The following LRRC49 variants were observed in gnomAD, a reference collection of about 807,000 sequenced individuals.
LRRC49 encodes leucine rich repeat containing 49.
In LRRC49, 50 loss-of-function variants were observed where a neutral mutation model predicts 83.3. That is an observed-to-expected ratio of 0.60 (90% CI 0.48 to 0.76). The LOEUF (loss-of-function observed/expected upper bound fraction) is 0.76, where lower values mean the gene tolerates loss of function less well. Among genes scored for constraint, LRRC49 ranks in the 30% least tolerant of loss-of-function variants. The pLI, the probability that LRRC49 is intolerant of heterozygous loss-of-function variation, is 0.00. For synonymous variants in LRRC49, 286 were observed against 283.3 expected, an observed-to-expected ratio of 1.01 and a Z score of -0.10; for missense variants, 704 against 809.1, an observed-to-expected ratio of 0.87 and a Z score of 1.58.
intron 9 of LRRC49, among the ~76,000 whole-genome samples, chr15:70,973,621 G>A (rs1567077902): frequency 1.3e-5 from 2 of 152,154 alleles, no homozygotes; most frequent in Admixed American, 6.6e-5. Flanking sequence ...CCAGGGAGAT[G>A]GGAGTTTTAT....
chr15:70,962,729 G>C (rs1304487759), intron 8 of LRRC49, among the ~76,000 whole-genome samples: 1 of 152,132 alleles, frequency 6.6e-6, no homozygotes, highest in Non-Finnish European at 1.5e-5. Flanking sequence ...AATTGTATTG[G>C]ATAATAACCC....
chr15:71,043,917 T>C (rs1050629506), intron 15 of LRRC49, among the ~76,000 whole-genome samples: 1 of 152,234 alleles, frequency 6.6e-6, no homozygotes, highest in African/African-American at 2.4e-5. Flanking sequence ...ATCTTAATAA[T>C]AGAATTTTGT....
chr15:70,953,583 G>A (rs1596061685), intron 8 of LRRC49, among the ~76,000 whole-genome samples: 1 of 152,114 alleles, frequency 6.6e-6, no homozygotes, highest in East Asian at 1.9e-4. Context: ...TGGAGAATCT[G>A]ATGACTGTGC....
intron 9 of LRRC49, among the ~76,000 whole-genome samples, chr15:70,977,432 G>A (rs9745279): frequency 0.24 from 37,155 of 151,980 alleles, 4,772 homozygotes; most frequent in East Asian, 0.33. Flanking sequence ...ATCACATGAG[G>A]CTAGGCGTTT....
intron 1 of LRRC49, chr15:70,858,862 G>A: frequency 1.3e-6 from 1 of 764,618 alleles, no homozygotes; most frequent in East Asian, 2.5e-5. Context: ...GGGTGGCCTG[G>A]GTGGAGGCTG....
intron 11 of LRRC49, among the ~76,000 whole-genome samples, chr15:70,994,802 T>G (rs997740743): frequency 1.3e-4 from 20 of 152,194 alleles, no homozygotes; most frequent in Non-Finnish European, 1.3e-4. Flanking sequence ...TCAGTTTACC[T>G]AAATAGAAAA....
At chr15:70,951,506 T>G (rs2036215921) in intron 8 of LRRC49, among the ~76,000 whole-genome samples, 1 of 152,148 alleles carries the variant, frequency 6.6e-6, no homozygotes, top group African/African-American at 2.4e-5. Flanking sequence ...CTTAGGTATT[T>G]TATTCTTTTT....
At chr15:70,924,088 C>T (rs973178082) in intron 7 of LRRC49, among the ~76,000 whole-genome samples, 1 of 151,872 alleles carries the variant, frequency 6.6e-6, no homozygotes, top group Non-Finnish European at 1.5e-5. Context: ...CCTTAGTCTT[C>T]TTTAATCTAG....
At chr15:70,988,845 C>T (rs2037743025) in intron 11 of LRRC49, among the ~76,000 whole-genome samples, 1 of 152,054 alleles carries the variant, frequency 6.6e-6, no homozygotes. Flanking sequence ...GTGACAAAAT[C>T]TCTCAGCATT....
intron 5 of LRRC49, among the ~76,000 whole-genome samples, chr15:70,906,597 T>C (rs1027514871): frequency 6.6e-6 from 1 of 152,258 alleles, no homozygotes; most frequent in African/African-American, 2.4e-5. Flanking sequence ...CCATCTATTC[T>C]ATTTTCCTAT....
intron 11 of LRRC49, among the ~76,000 whole-genome samples, chr15:70,985,580 G>C (rs1390408669): frequency 6.6e-6 from 1 of 152,078 alleles, no homozygotes; most frequent in African/African-American, 2.4e-5. Context: ...TTTGTAAGTT[G>C]CCTGTTCACT....
At chr15:70,995,689 A>G (rs1241848901) in intron 11 of LRRC49, among the ~76,000 whole-genome samples, 1 of 152,180 alleles carries the variant, frequency 6.6e-6, no homozygotes, top group Non-Finnish European at 1.5e-5. Flanking sequence ...ATTGCAGACT[A>G]TTAACGTGAC....
chr15:70,868,161 G>T (rs2141074011), intron 1 of LRRC49, among the ~76,000 whole-genome samples: 1 of 152,228 alleles, frequency 6.6e-6, no homozygotes, highest in East Asian at 1.9e-4. Context: ...TTCATTCTGT[G>T]GGGAAAACAT....
At chr15:70,992,958 A>C (rs1191711117) in intron 11 of LRRC49, among the ~76,000 whole-genome samples, 1 of 152,184 alleles carries the variant, frequency 6.6e-6, no homozygotes, top group African/African-American at 2.4e-5. Context: ...CATTTTGTTC[A>C]GCTATGCCCT....
chr15:70,957,580 T>C (rs886908748), intron 8 of LRRC49, among the ~76,000 whole-genome samples: 3 of 152,210 alleles, frequency 2.0e-5, no homozygotes, highest in Non-Finnish European at 2.9e-5. Context: ...TTACTAAAGA[T>C]TGGTCTTAAG....
chr15:70,898,215 A>G (rs1365268890), intron 3 of LRRC49, among the ~76,000 whole-genome samples: 5 of 152,180 alleles, frequency 3.3e-5, no homozygotes, highest in African/African-American at 4.8e-5. Flanking sequence ...GAACATTCTT[A>G]CCAAATTTAG....
At chr15:70,946,749 C>A (rs543740403) in intron 8 of LRRC49, among the ~76,000 whole-genome samples, 1 of 152,102 alleles carries the variant, frequency 6.6e-6, no homozygotes, top group African/African-American at 2.4e-5. Context: ...CTCACCCACA[C>A]TTATCTGTTG....
chr15:70,892,029 C>T, upstream of LRRC49: 3 of 1,613,222 alleles, frequency 1.9e-6, no homozygotes, highest in Non-Finnish European at 2.5e-6. Context: ...GCGCCTGCCA[C>T]CAGCCTCAGG....
chr15:70,858,792 G>C, intron 1 of LRRC49: 1 of 880,850 alleles, frequency 1.1e-6, no homozygotes, highest in South Asian at 1.4e-5. Flanking sequence ...TCCTACACAA[G>C]TGGGCCCAGT....
Sources: allele counts gnomAD v4.1 joint callset (sites outside exome capture counted in the v4.1 genomes callset), GRCh38; gene constraint gnomAD v4.1.1; transcripts MANE v1.5; gene names NCBI Gene and HGNC (gene_info 2026-07-23, HGNC 2026-07-21).